CNGB3: variants seen among roughly 807,000 people sequenced by gnomAD.
CNGB3 encodes cyclic nucleotide gated channel subunit beta 3.
In CNGB3, 86 loss-of-function variants were observed where a neutral mutation model predicts 92.8. That is an observed-to-expected ratio of 0.93 (90% confidence interval 0.78 to 1.11). The LOEUF is 1.11. Among genes scored for constraint, CNGB3 ranks in the 50% least tolerant of loss-of-function variants. CNGB3 has a pLI of 0.00. For synonymous variants in CNGB3, 333 were observed against 332.7 expected, an observed-to-expected ratio of 1.00 and a Z score of -0.01; for missense variants, 1,026 against 956.8, an observed-to-expected ratio of 1.07 and a Z score of -0.95.
intron 7 of CNGB3, among the ~76,000 whole-genome samples, chr8:86,651,492 G>A (rs1823402918): frequency 6.6e-6 from 1 of 151,812 alleles, no homozygotes. Context: ...TTTGTAACAA[G>A]TTAAGTGTAC....
intron 6 of CNGB3, chr8:86,659,390 G>A: frequency 1.3e-6 from 1 of 772,012 alleles, no homozygotes; most frequent in Non-Finnish European, 2.3e-6. Flanking sequence ...ATTGAAGCAG[G>A]AGCTTGGCCT....
At chr8:86,712,811 G>A (rs953275859) in intron 3 of CNGB3, among the ~76,000 whole-genome samples, 2 of 143,362 alleles carry the variant, frequency 1.4e-5, no homozygotes, top group African/African-American at 5.2e-5. Flanking sequence ...GGCGGGCCTT[G>A]AACTCCTCTG....
chr8:86,658,867 T>C, intron 6 of CNGB3: 1 of 685,994 alleles, frequency 1.5e-6, no homozygotes, highest in Non-Finnish European at 2.6e-6. Flanking sequence ...AGGGTTTGCC[T>C]GTGCACCTCC....
intron 2 of CNGB3, among the ~76,000 whole-genome samples, chr8:86,738,748 G>C (rs1017857703): frequency 2.0e-5 from 3 of 151,816 alleles, no homozygotes; most frequent in Admixed American, 2.0e-4. Context: ...CTGAGAGGCA[G>C]GAGAATGGCC....
chr8:86,650,548 G>A (rs1358922911), intron 7 of CNGB3, among the ~76,000 whole-genome samples: 2 of 151,414 alleles, frequency 1.3e-5, no homozygotes, highest in African/African-American at 4.8e-5. Flanking sequence ...TAAAAAAGCA[G>A]ACACACTGTC....
At chr8:86,625,722 ATATT>A (rs144228594) in intron 13 of CNGB3, among the ~76,000 whole-genome samples, 1,604 of 152,280 alleles carry the variant, frequency 0.011, 31 homozygotes, top group African/African-American at 0.037. Flanking sequence ...AATTTAAATT[ATATT>A]TAAATTAATG....
At chr8:86,656,469 G>T (rs533119863) in intron 6 of CNGB3, among the ~76,000 whole-genome samples, 5 of 152,204 alleles carry the variant, frequency 3.3e-5, no homozygotes, top group South Asian at 2.1e-4. Flanking sequence ...AATAAACTTG[G>T]CATCATTAGC....
intron 3 of CNGB3, among the ~76,000 whole-genome samples, chr8:86,700,570 G>T (rs1203208935): frequency 6.6e-6 from 1 of 152,148 alleles, no homozygotes; most frequent in African/African-American, 2.4e-5. Flanking sequence ...ATATCGTCAG[G>T]TTATGGTGTG....
intron 10 of CNGB3, among the ~76,000 whole-genome samples, chr8:86,637,624 A>T (rs762532269): frequency 2.6e-5 from 4 of 152,070 alleles, no homozygotes; most frequent in African/African-American, 4.8e-5. Flanking sequence ...TTCTACTTTA[A>T]TTTTTTATCA....
chr8:86,681,806 A>G (rs912504543), intron 3 of CNGB3, among the ~76,000 whole-genome samples: 8 of 152,202 alleles, frequency 5.3e-5, no homozygotes, highest in Admixed American at 3.9e-4. Context: ...CTAATGGAGC[A>G]ATGTCTCAAA....
intron 11 of CNGB3, 123 bp from the exon 12 acceptor site, chr8:86,629,201 C>T: frequency 2.6e-6 from 3 of 1,163,440 alleles, no homozygotes; most frequent in Non-Finnish European, 3.8e-6. Context: ...TTTATTCATT[C>T]ATTCATTTTT....
intron 13 of CNGB3, among the ~76,000 whole-genome samples, chr8:86,616,109 A>C (rs551039964): frequency 9.8e-5 from 15 of 152,306 alleles, no homozygotes; most frequent in Admixed American, 2.0e-4. Context: ...GCAGGAATAC[A>C]CACAAGCACT....
chr8:86,719,380 C>T (rs906289846), intron 3 of CNGB3, among the ~76,000 whole-genome samples: 3 of 151,986 alleles, frequency 2.0e-5, no homozygotes, highest in African/African-American at 4.8e-5. Flanking sequence ...CCAACAGTGA[C>T]CAAGCTGAGA....
intron 1 of CNGB3, among the ~76,000 whole-genome samples, chr8:86,742,612 C>T (rs1825361986): frequency 6.6e-6 from 1 of 152,176 alleles, no homozygotes; most frequent in Non-Finnish European, 1.5e-5. Context: ...AAAATAACTA[C>T]TGCTCTAAAA....
intron 7 of CNGB3, among the ~76,000 whole-genome samples, chr8:86,651,867 A>C (rs549531007): frequency 1.1e-4 from 17 of 152,120 alleles, no homozygotes; most frequent in African/African-American, 4.1e-4. Context: ...ATGATCAGGT[A>C]CAAAAATACA....
At chr8:86,631,652 T>C (rs1449031367) in intron 11 of CNGB3, among the ~76,000 whole-genome samples, 1 of 152,202 alleles carries the variant, frequency 6.6e-6, no homozygotes, top group East Asian at 1.9e-4. Flanking sequence ...TCATTGTTAA[T>C]ATAATCTCCC....
At chr8:86,612,279 C>CTA (rs1822536153) in intron 13 of CNGB3, among the ~76,000 whole-genome samples, 1 of 152,088 alleles carries the variant, frequency 6.6e-6, no homozygotes, top group South Asian at 2.1e-4. Context: ...CACTGTTTGG[C>CTA]TATAGGTCTG....
chr8:86,651,233 T>C (rs1313583910), intron 7 of CNGB3, among the ~76,000 whole-genome samples: 1 of 151,598 alleles, frequency 6.6e-6, no homozygotes, highest in Non-Finnish European at 1.5e-5. Context: ...ATGGGTGCAC[T>C]GAAATCTCAT....
At chr8:86,711,824 T>C (rs1312107349) in intron 3 of CNGB3, among the ~76,000 whole-genome samples, 1 of 124,364 alleles carries the variant, frequency 8.0e-6, no homozygotes, top group Non-Finnish European at 1.7e-5. Flanking sequence ...CCACTCTCTC[T>C]CTCTCTCTCT....
Sources: allele counts gnomAD v4.1 joint callset (sites outside exome capture counted in the v4.1 genomes callset), GRCh38; gene constraint gnomAD v4.1.1; transcripts MANE v1.5; gene names NCBI Gene and HGNC (gene_info 2026-07-23, HGNC 2026-07-21).